Variants in SLC35D2 observed in about 807,000 individuals in gnomAD.
The protein encoded by SLC35D2 is solute carrier family 35 member D2.
In SLC35D2, 43 loss-of-function variants were observed where a neutral mutation model predicts 41.8. The ratio of observed to expected loss-of-function variants is 1.03; its 90% CI spans 0.81 to 1.33. SLC35D2 has a LOEUF of 1.33. Among genes scored for constraint, SLC35D2 ranks in the 40% most tolerant of loss-of-function variants. The pLI, the probability that SLC35D2 is intolerant of heterozygous loss-of-function variation, is 0.00. For missense variants in SLC35D2, 380 were observed against 408.4 expected (o/e 0.93, Z 0.60); for synonymous variants, 150 against 163.9 (o/e 0.92, Z 0.65).
chr9:96,321,675 C>A (rs968665085), intron 11 of SLC35D2, among the ~76,000 whole-genome samples: 2 of 152,294 alleles, frequency 1.3e-5, no homozygotes, highest in East Asian at 1.9e-4. Flanking sequence ...TCCACACCCC[C>A]TGCATGCCGA....
intron 9 of SLC35D2, among the ~76,000 whole-genome samples, chr9:96,324,889 C>A (rs1423585447): frequency 6.6e-6 from 1 of 152,114 alleles, no homozygotes; most frequent in African/African-American, 2.4e-5. Flanking sequence ...ACGAACGATG[C>A]CTGGCAGAGG....
intron 1 of SLC35D2, among the ~76,000 whole-genome samples, chr9:96,379,638 C>G (rs1831107575): frequency 6.6e-6 from 1 of 152,192 alleles, no homozygotes; most frequent in Admixed American, 6.5e-5. Context: ...ACAACTCATG[C>G]TTGGATCCGA....
At chr9:96,316,152 C>T (rs1006350747), downstream of SLC35D2, among the ~76,000 whole-genome samples, 13 of 152,144 alleles carry the variant, frequency 8.5e-5, no homozygotes, top group Admixed American at 7.9e-4. Flanking sequence ...TAGCTGTGTG[C>T]ACCAGCTCAC....
intron 1 of SLC35D2, among the ~76,000 whole-genome samples, chr9:96,372,005 C>T (rs957947698): frequency 1.3e-5 from 2 of 152,058 alleles, no homozygotes; most frequent in African/African-American, 4.8e-5. Flanking sequence ...GGATTACAGG[C>T]GTGAGCCACC....
chr9:96,327,950 C>T (rs896849273), intron 9 of SLC35D2, among the ~76,000 whole-genome samples: 6 of 151,826 alleles, frequency 4.0e-5, no homozygotes, highest in Admixed American at 1.3e-4. Context: ...CACTAGATGT[C>T]CCCAGAGAGG....
chr9:96,323,303 C>G (rs889011730), intron 10 of SLC35D2, among the ~76,000 whole-genome samples: 18 of 152,038 alleles, frequency 1.2e-4, no homozygotes, highest in Admixed American at 8.5e-4. Context: ...CACCTCTCCC[C>G]CTATTCATTC....
At chr9:96,320,704 C>G (rs1268062534), downstream of SLC35D2, 1 of 152,200 alleles carries the variant, frequency 6.6e-6, no homozygotes, top group Non-Finnish European at 1.5e-5. Context: ...CATGATGAGG[C>G]ATACATAGAA....
intron 4 of SLC35D2, among the ~76,000 whole-genome samples, chr9:96,359,139 C>T (rs902960613): frequency 6.6e-6 from 1 of 151,744 alleles, no homozygotes; most frequent in African/African-American, 2.4e-5. Flanking sequence ...CCCGTCCCTA[C>T]TAAAAATACA....
At chr9:96,372,348 T>C (rs139328473) in intron 1 of SLC35D2, among the ~76,000 whole-genome samples, 1 of 152,186 alleles carries the variant, frequency 6.6e-6, no homozygotes, top group East Asian at 1.9e-4. Context: ...GGGAGTGGGA[T>C]AGGGAACTTT....
At chr9:96,328,740 A>G (rs1418173317) in intron 9 of SLC35D2, among the ~76,000 whole-genome samples, 1 of 152,186 alleles carries the variant, frequency 6.6e-6, no homozygotes, top group Non-Finnish European at 1.5e-5. Flanking sequence ...CAAACGTTCA[A>G]ATATTCACAG....
chr9:96,322,106 C>T, intron 10 of SLC35D2, 26 bp from the exon 11 acceptor site: 2 of 1,437,804 alleles, frequency 1.4e-6, no homozygotes, highest in Non-Finnish European at 1.9e-6. Flanking sequence ...GAGGATTCGT[C>T]ATTTTAAAAG....
chr9:96,333,594 C>CAAAA (rs573718212), intron 9 of SLC35D2, among the ~76,000 whole-genome samples: 2 of 68,738 alleles, frequency 2.9e-5, no homozygotes, highest in Non-Finnish European at 6.3e-5. Context: ...GACTCCGTCT[C>CAAAA]AAAAAAAAAA....
intron 9 of SLC35D2, among the ~76,000 whole-genome samples, chr9:96,330,830 T>C (rs1253468797): frequency 6.6e-6 from 1 of 152,156 alleles, no homozygotes; most frequent in Non-Finnish European, 1.5e-5. Context: ...CCCTCGCAAA[T>C]TGCTCACAAG....
At chr9:96,368,017 T>C (rs1830543844) in intron 2 of SLC35D2, among the ~76,000 whole-genome samples, 1 of 152,210 alleles carries the variant, frequency 6.6e-6, no homozygotes, top group Non-Finnish European at 1.5e-5. Context: ...AGCCCCCTGC[T>C]TTAGAGTAAT....
At chr9:96,368,677 TAC>T (rs1156900337) in intron 1 of SLC35D2, among the ~76,000 whole-genome samples, 1 of 149,990 alleles carries the variant, frequency 6.7e-6, no homozygotes, top group African/African-American at 2.4e-5. Context: ...AAACATTATA[TAC>T]ACACACACAT....
intron 1 of SLC35D2, among the ~76,000 whole-genome samples, chr9:96,376,506 G>A (rs1341972194): frequency 1.3e-5 from 2 of 152,166 alleles, no homozygotes; most frequent in African/African-American, 2.4e-5. Context: ...CTACTTGGGA[G>A]GCTGAGGCAG....
chr9:96,363,906 C>T (rs1030204946), intron 3 of SLC35D2, among the ~76,000 whole-genome samples: 1 of 152,188 alleles, frequency 6.6e-6, no homozygotes. Context: ...ATTTAGAGTT[C>T]TCTCACTTCC....
intron 9 of SLC35D2, among the ~76,000 whole-genome samples, chr9:96,326,571 A>G (rs953534556): frequency 6.6e-6 from 1 of 152,132 alleles, no homozygotes; most frequent in African/African-American, 2.4e-5. Flanking sequence ...TGGGAGGCCA[A>G]GGCAGGCAGA....
intron 7 of SLC35D2, among the ~76,000 whole-genome samples, chr9:96,344,484 C>T (rs1829475676): frequency 1.7e-5 from 2 of 114,566 alleles, no homozygotes; most frequent in Admixed American, 1.0e-4. Context: ...AGACAACAAA[C>T]CTGTTTTTGC....
Sources: allele counts gnomAD v4.1 joint callset (sites outside exome capture counted in the v4.1 genomes callset), GRCh38; gene constraint gnomAD v4.1.1; transcripts MANE v1.5; gene names NCBI Gene and HGNC (gene_info 2026-07-23, HGNC 2026-07-21).